The following BTD variants were observed in gnomAD, a reference collection of about 807,000 sequenced individuals.
BTD encodes the protein biotinidase.
In BTD, 13 loss-of-function variants were observed where a neutral mutation model predicts 17.7. That is an observed-to-expected ratio of 0.74 (90% CI 0.48 to 1.17). BTD has a LOEUF of 1.17. Among genes scored for constraint, BTD ranks in the 50% most tolerant of loss-of-function variants. The pLI, the probability that BTD is intolerant of heterozygous loss-of-function variation, is 0.00. For synonymous variants in BTD, 240 were observed against 245.2 expected (o/e 0.98, Z 0.20); for missense variants, 674 against 650.4 (o/e 1.04, Z -0.39).
At chr3:15,683,540 A>G (rs1334285414) in intron 3 of BTD, among the ~76,000 whole-genome samples, 5 of 152,202 alleles carry the variant, frequency 3.3e-5, no homozygotes, top group Admixed American at 3.3e-4. Context: ...GTAAAAAACA[A>G]AGAGACTAAA....
At position 15,635,737 on chromosome 3, in the gene BTD, C is replaced by G. The variant is rs751305464; in HGVS notation, c.249+49C>G. The G allele has an allele frequency of 6.2e-7, 1 of 1,612,474 alleles. No individual in the cohort carries two copies. Among genetic ancestry groups the G allele is most frequent in the Non-Finnish European group, 8.5e-7 (1 of 1,179,578 alleles). On this transcript the variant is annotated intron_variant, in intron 2 of 3. Coordinates refer to ENST00000643237, the MANE Select transcript of BTD (RefSeq NM_001370658.1). The surrounding 1 kb of genome is among the most constrained non-coding windows in gnomAD (Gnocchi z 4.1). ...AGTTTCTCTCATACAGAGCAGATTG[C>G]TCTTTACCCCTTGATCAGTGGTTGG...
chr3:15,603,532 C>G (rs764277811), intron 1 of BTD, among the ~76,000 whole-genome samples: 19 of 152,118 alleles, frequency 1.2e-4, no homozygotes, highest in Non-Finnish European at 2.5e-4. Flanking sequence ...TGGCAGGCGC[C>G]TGTAATCCCA....
downstream of BTD, among the ~76,000 whole-genome samples, chr3:15,716,131 C>T (rs2072993734): frequency 1.3e-5 from 2 of 151,446 alleles, no homozygotes. Context: ...TACAGGCATG[C>T]ACCACCATGC....
intron 1 of BTD, among the ~76,000 whole-genome samples, chr3:15,634,195 T>C (rs980302414): frequency 6.6e-6 from 1 of 152,216 alleles, no homozygotes; most frequent in Non-Finnish European, 1.5e-5. Flanking sequence ...ATAAAGAAAT[T>C]TGTAGCCTGG....
intron 3 of BTD, chr3:15,685,237 G>A (rs1485850660): frequency 1.9e-6 from 3 of 1,613,770 alleles, no homozygotes; most frequent in Non-Finnish European, 2.5e-6. Context: ...ATTGTAGCAA[G>A]CCCAGTGAAG....
intron 3 of BTD, chr3:15,684,674 C>T (rs1184274400): frequency 6.5e-6 from 1 of 152,696 alleles, no homozygotes; most frequent in Middle Eastern, 3.2e-3. Context: ...TTGCTTAAGC[C>T]CAGTTGTTCA....
intron 3 of BTD, among the ~76,000 whole-genome samples, chr3:15,701,065 G>T (rs1353947636): frequency 6.6e-6 from 1 of 152,106 alleles, no homozygotes; most frequent in East Asian, 1.9e-4. Context: ...CTTATTAAAA[G>T]TTTCCAAAAT....
chr3:15,675,692 C>T (rs533806026), intron 3 of BTD, among the ~76,000 whole-genome samples: 18 of 152,346 alleles, frequency 1.2e-4, no homozygotes, highest in African/African-American at 3.8e-4. Context: ...TTTGCTGTAA[C>T]AGATGATATA....
rs145704284 is a variant in BTD at position 15,712,029 on chromosome 3, T to G, written c.*1955T>G. The G allele has an allele frequency of 6.3e-3, 5,125 of 808,378 alleles. 23 individuals are homozygous for G. The highest frequency in any genetic ancestry group is 8.0e-3 in the Non-Finnish European group (3,945 of 492,162). The allele number at this position is 808,378 out of a possible 1,614,324, so 50.1% of individuals were successfully genotyped here. The stretch of plus-strand genomic sequence containing the variant: ...ACACGTTCTAAAAGGGGTTATTAAA[T>G]TATCCATACTGGACCCATCTGCATT... On this transcript the variant is annotated 3_prime_UTR_variant, in exon 4 of 4. Coordinates refer to the BTD transcript ENST00000672141.
intron 3 of BTD, chr3:15,708,014 G>C: frequency 1.9e-6 from 3 of 1,610,804 alleles, no homozygotes; most frequent in Non-Finnish European, 2.5e-6. Flanking sequence ...TCCCACAAGA[G>C]CAAACAGGCA....
In BTD at chr3:15,601,796, T is replaced by C; in HGVS notation, c.-115T>C. 1 of 1,613,938 alleles carries C rather than the reference T, an allele frequency of 6.2e-7. No individual in the cohort carries two copies. The highest frequency in any genetic ancestry group is 8.5e-7 in the Non-Finnish European group (1 of 1,179,966). On this transcript the variant is annotated 5_prime_UTR_variant, in exon 1 of 4. Coordinates refer to ENST00000643237, the MANE Select transcript of BTD (RefSeq NM_001370658.1). ...GTAAGAAGCCGAACTCTGAGGCCTC[T>C]CGCCATTGTCTCCGAGTCGGCCAGC...
At chr3:15,642,262 C>A in intron 3 of BTD, 2 of 1,436,492 alleles carry the variant, frequency 1.4e-6, no homozygotes, top group Admixed American at 2.8e-5. Context: ...ATCTATGGAT[C>A]TTTCCATTTA....
Position 15,644,315 on chromosome 3 carries a change from G to C in BTD, c.400-1G>C. On this transcript the variant is annotated splice_acceptor_variant, in intron 3 of 3. Coordinates refer to ENST00000643237, the MANE Select transcript of BTD (RefSeq NM_001370658.1). LOFTEE classifies it high-confidence loss of function. ...TTTATTTACACCTTTTTTTCCTCTA[G>C]GTGCTCCAGCGCCTGAGTTGTATGG... 1 of 1,613,296 alleles carries C rather than the reference G, an allele frequency of 6.2e-7. No homozygotes were observed. The highest frequency in any genetic ancestry group is 8.5e-7 in the Non-Finnish European group (1 of 1,179,686).
At chr3:15,638,098 G>A (rs973945030) in intron 2 of BTD, among the ~76,000 whole-genome samples, 5 of 152,168 alleles carry the variant, frequency 3.3e-5, no homozygotes, top group Non-Finnish European at 7.3e-5. Context: ...TCACATAACA[G>A]TAGAAAACCA....
In BTD at chr3:15,644,603, G is replaced by A. The variant is rs2125501752; in HGVS notation, c.687G>A (p.Leu229=). The A allele has an allele frequency of 6.2e-7, 1 of 1,614,102 alleles. No individual in the cohort carries two copies. ...GCATCTTCACATGCTTTGATATATT[G>A]TTCTTTGACCCTGCCATCAGAGTCC... ...RFGIFTCFDI[L]FFDPAIRVLR... The change falls in exon 4 of 4, where the codon TTG becomes TTA. Residue 229 remains leucine, a synonymous_variant. Coordinates refer to ENST00000643237, the MANE Select transcript of BTD (RefSeq NM_001370658.1).
chr3:15,645,321 A>C lies in BTD; in HGVS notation c.1405A>C (p.Asn469His). 1 of 1,614,222 alleles carries C rather than the reference A, an allele frequency of 6.2e-7. No homozygotes were observed. The highest frequency in any genetic ancestry group is 8.5e-7 in the Non-Finnish European group (1 of 1,180,042). ...TGIFEFHLWG[N>H]FSTSYIFPLF... is the part of the protein sequence containing the mutation. Reference sequence around the variant, plus strand: ...GATATTTGAGTTTCACCTGTGGGGCAACTTCAGTACTTCCTATATCTTTCC... The same window carrying C: ...GATATTTGAGTTTCACCTGTGGGGCCACTTCAGTACTTCCTATATCTTTCC... Residue 469 changes from asparagine (N) to histidine (H), a missense_variant, in exon 4 of 4, where the codon AAC (asparagine) becomes CAC (histidine). By Grantham distance (68) the Asn-to-His change is moderately conservative (BLOSUM62 1). Transcript: ENST00000643237.
At chr3:15,676,407 C>G (rs1430781414) in intron 3 of BTD, among the ~76,000 whole-genome samples, 1 of 152,182 alleles carries the variant, frequency 6.6e-6, no homozygotes, top group African/African-American at 2.4e-5. Flanking sequence ...AGCTTACAAG[C>G]ATCATGACTA....
At position 15,627,634 on chromosome 3, in the gene BTD, G is replaced by A. The variant is rs192514094; in HGVS notation, c.-16-7790G>A. On this transcript the variant is annotated intron_variant, in intron 1 of 3. Coordinates refer to ENST00000643237, the MANE Select transcript of BTD (RefSeq NM_001370658.1). ...ATTTCCAGCACTGTGGTTTACTTTAGCTTTTTAAATTGTTTCTTTCATAAT... is the reference window on the plus strand; with the variant it reads ...ATTTCCAGCACTGTGGTTTACTTTAACTTTTTAAATTGTTTCTTTCATAAT... Among the ~76,000 whole-genome samples the A allele has an allele frequency of 1.6e-3, 242 of 152,278 alleles. 1 individual carries two copies. Among genetic ancestry groups the A allele is most frequent in the Admixed American group, 4.8e-3 (74 of 15,292 alleles).
chr3:15,636,213 C>T (rs116296622), intron 2 of BTD, among the ~76,000 whole-genome samples: 1,587 of 152,296 alleles, frequency 0.01, 13 homozygotes, highest in Middle Eastern at 0.031. Flanking sequence ...TCATTCGAAG[C>T]TTCACTGAAG....
Sources: gnomAD v4.1 joint callset for allele counts (sites outside exome capture counted in the v4.1 genomes callset) on GRCh38, gnomAD v4.1.1 for gene constraint, Gnocchi (gnomAD v3.1) non-coding constraint, MANE v1.5 for transcripts, NCBI Gene and HGNC (gene_info 2026-07-23, HGNC 2026-07-21) for gene names.